Variants in SORCS1 observed in about 807,000 individuals in gnomAD.
The protein encoded by SORCS1 is VPS10 domain-containing receptor SorCS1.
SORCS1 carries 60 observed loss-of-function variants against 146.1 expected under a neutral mutation model. That is an observed-to-expected ratio of 0.41 (90% CI 0.33 to 0.51). The LOEUF (loss-of-function observed/expected upper bound fraction) is 0.51, where lower values mean the gene tolerates loss of function less well. Among genes scored for constraint, SORCS1 ranks in the 20% least tolerant of loss-of-function variants. The pLI is 0.21. For missense variants in SORCS1, 1,352 were observed against 1,487.6 expected, an observed-to-expected ratio of 0.91 and a Z score of 1.50; for synonymous variants, 637 against 584.0, an observed-to-expected ratio of 1.09 and a Z score of -1.31.
At chr10:106,715,518 C>T (rs113111860) in intron 6 of SORCS1, among the ~76,000 whole-genome samples, 4 of 152,238 alleles carry the variant, frequency 2.6e-5, no homozygotes, top group Admixed American at 1.3e-4. Flanking sequence ...AATCACTCCA[C>T]GTCTCCAAAC....
At chr10:106,579,990 T>C (rs959704801) in intron 24 of SORCS1, among the ~76,000 whole-genome samples, 1 of 152,012 alleles carries the variant, frequency 6.6e-6, no homozygotes, top group African/African-American at 2.4e-5. Flanking sequence ...GAGTGTAAGC[T>C]TTTTCCACAA....
chr10:106,752,523 C>T (rs1285546669), intron 5 of SORCS1, among the ~76,000 whole-genome samples: 1 of 152,124 alleles, frequency 6.6e-6, no homozygotes, highest in African/African-American at 2.4e-5. Flanking sequence ...ACCTGGACTC[C>T]TGGAATTTAG....
chr10:107,061,479 T>C (rs887227692), intron 1 of SORCS1, among the ~76,000 whole-genome samples: 1 of 152,194 alleles, frequency 6.6e-6, no homozygotes, highest in Non-Finnish European at 1.5e-5. Flanking sequence ...ACATCTCTTA[T>C]GTAAAAGCCA....
At chr10:106,762,354 T>A (rs1369315138) in intron 4 of SORCS1, among the ~76,000 whole-genome samples, 16 of 151,394 alleles carry the variant, frequency 1.1e-4, no homozygotes, top group Non-Finnish European at 2.4e-4. Context: ...GGAGAATCTG[T>A]AACTTTTTCT....
At chr10:107,041,599 GT>G (rs1037003480) in intron 1 of SORCS1, among the ~76,000 whole-genome samples, 1 of 151,636 alleles carries the variant, frequency 6.6e-6, no homozygotes, top group Non-Finnish European at 1.5e-5. Context: ...CAAACTCCCA[GT>G]TTTTTTTCCT....
chr10:106,933,904 G>A (rs1589737577), intron 2 of SORCS1, among the ~76,000 whole-genome samples: 1 of 152,194 alleles, frequency 6.6e-6, no homozygotes, highest in African/African-American at 2.4e-5. Context: ...GACCAGCCTG[G>A]CCAACATGGC....
At chr10:106,833,998 T>G (rs1288610435) in intron 2 of SORCS1, among the ~76,000 whole-genome samples, 1 of 152,158 alleles carries the variant, frequency 6.6e-6, no homozygotes, top group Non-Finnish European at 1.5e-5. Context: ...TTTCACCGTG[T>G]TAGCCAGGAT....
rs536267866 is a variant in SORCS1, at chr10:106,800,787, T to C, written c.727-24095A>G. 3.8e-4 allele frequency among the ~76,000 whole-genome samples: 58 copies of C among 152,140 alleles called. No homozygotes were observed. The South Asian group carries it at 0.012, about 31-fold the overall frequency. On this transcript the variant is annotated intron_variant, in intron 3 of 25. Transcript: ENST00000263054. ...CGATCTCCTGACCTTGTGATCTGCC[T>C]GCCGCAGTCTCCCAAAGTGCTGGGA...
At chr10:107,088,119 C>T (rs11193195) in intron 1 of SORCS1, among the ~76,000 whole-genome samples, 46 of 60,424 alleles carry the variant, frequency 7.6e-4, no homozygotes, top group Middle Eastern at 0.014. Context: ...GGGGTTTCAC[C>T]GTGTTAGCCA....
intron 1 of SORCS1, among the ~76,000 whole-genome samples, chr10:107,008,838 A>G (rs1957563890): frequency 6.6e-6 from 1 of 152,236 alleles, no homozygotes; most frequent in Non-Finnish European, 1.5e-5. Flanking sequence ...TCTACTAAAA[A>G]TACAAAAAAT....
chr10:106,996,677 G>A (rs1957019829), intron 1 of SORCS1, among the ~76,000 whole-genome samples: 1 of 152,144 alleles, frequency 6.6e-6, no homozygotes, highest in Non-Finnish European at 1.5e-5. Flanking sequence ...TGCAAATGAG[G>A]CATCCCAATG....
At chr10:106,829,073 T>A (rs1327941903) in intron 3 of SORCS1, among the ~76,000 whole-genome samples, 1 of 152,250 alleles carries the variant, frequency 6.6e-6, no homozygotes, top group Non-Finnish European at 1.5e-5. Context: ...AGCTACTCTA[T>A]TCTGCTAAAT....
At chr10:106,985,536 A>T (rs994434345) in intron 1 of SORCS1, among the ~76,000 whole-genome samples, 5 of 150,858 alleles carry the variant, frequency 3.3e-5, no homozygotes, top group Admixed American at 3.3e-4. Context: ...TATTTCACTT[A>T]AGCTTTTTTT....
intron 3 of SORCS1, among the ~76,000 whole-genome samples, chr10:106,815,278 A>G (rs1480116904): frequency 6.6e-6 from 1 of 152,136 alleles, no homozygotes. Flanking sequence ...AATAAATGAT[A>G]TTTGGAAAGA....
At chr10:107,072,086 C>T (rs1962475334) in intron 1 of SORCS1, among the ~76,000 whole-genome samples, 1 of 152,204 alleles carries the variant, frequency 6.6e-6, no homozygotes, top group South Asian at 2.1e-4. Flanking sequence ...CAGGAAAGAA[C>T]TCCTGCTGCC....
chr10:106,930,221 G>T (rs11193121), intron 2 of SORCS1, among the ~76,000 whole-genome samples: 43,726 of 151,918 alleles, frequency 0.29, 6,805 homozygotes, highest in Non-Finnish European at 0.36. Flanking sequence ...AGCGGAGCTT[G>T]CAGTGAGCCG....
intron 10 of SORCS1, among the ~76,000 whole-genome samples, chr10:106,681,680 G>A (rs1402478825): frequency 6.6e-6 from 1 of 152,132 alleles, no homozygotes; most frequent in East Asian, 1.9e-4. Context: ...CTTAACAGAG[G>A]ACTTTCTGCA....
chr10:106,945,011 G>C (rs1202979494), intron 2 of SORCS1, among the ~76,000 whole-genome samples: 2 of 149,636 alleles, frequency 1.3e-5, no homozygotes, highest in Admixed American at 1.4e-4. Flanking sequence ...TCAAACTCCC[G>C]AGAGGCTGGG....
intron 18 of SORCS1, among the ~76,000 whole-genome samples, chr10:106,639,457 T>G (rs1017291737): frequency 6.6e-6 from 1 of 152,170 alleles, no homozygotes; most frequent in African/African-American, 2.4e-5. Context: ...ACAGCAATAT[T>G]CCAATATATG....
Sources: gnomAD v4.1 joint callset for allele counts (sites outside exome capture counted in the v4.1 genomes callset) on GRCh38, gnomAD v4.1.1 for gene constraint, MANE v1.5 for transcripts, NCBI Gene and HGNC (gene_info 2026-07-23, HGNC 2026-07-21) for gene names.